Variants in NAGK observed in about 807,000 individuals in gnomAD.
The protein encoded by NAGK is N-acetylglucosamine kinase, also known as N-acetyl-D-glucosamine kinase.
Under a neutral mutation model 42.9 loss-of-function variants are expected in NAGK, and 35 were observed. That is an observed-to-expected ratio of 0.82 (90% CI 0.62 to 1.08). The LOEUF is 1.08. Among genes scored for constraint, NAGK ranks in the 50% least tolerant of loss-of-function variants. The probability of loss-of-function intolerance (pLI) is 0.00; values close to 1 mark genes in which losing one functional copy is unlikely to be tolerated. For missense variants in NAGK, 446 were observed against 446.0 expected (o/e 1.00, Z 0.00); for synonymous variants, 172 against 176.0 (o/e 0.98, Z 0.18).
intron 4 of NAGK, 63 bp downstream of exon 4, chr2:71,071,890 T>C (rs1395396940): frequency 2.5e-6 from 4 of 1,585,042 alleles, no homozygotes; most frequent in East Asian, 2.3e-5. Context: ...CCCTTAGATA[T>C]AGCTGACAAA....
At chr2:71,068,752 G>A (rs958656727) in intron 1 of NAGK, 40 bp downstream of exon 1, 17 of 1,447,372 alleles carry the variant, frequency 1.2e-5, no homozygotes, top group Non-Finnish European at 1.5e-5. Flanking sequence ...GCCCGAAGGC[G>A]GGGCGGAAGG....
At chr2:71,071,580 A>C in intron 3 of NAGK, 106 bp from the exon 4 acceptor site, 370 of 1,350,292 alleles carry the variant, frequency 2.7e-4, no homozygotes, top group Non-Finnish European at 3.4e-4. Flanking sequence ...TGAACAGGGT[A>C]TGGCCAGATG....
At chr2:71,077,293 G>T (rs1173059281) in intron 8 of NAGK, among the ~76,000 whole-genome samples, 1 of 152,188 alleles carries the variant, frequency 6.6e-6, no homozygotes, top group Non-Finnish European at 1.5e-5. Flanking sequence ...TTTCAGTTCA[G>T]TCATGTTTCT....
chr2:71,074,406 A>G (rs1672136969), intron 6 of NAGK, among the ~76,000 whole-genome samples: 1 of 152,206 alleles, frequency 6.6e-6, no homozygotes, highest in Non-Finnish European at 1.5e-5. Flanking sequence ...CTTGATGAGC[A>G]GTTGTCATAG....
chr2:71,072,248 A>C (rs569826395), intron 4 of NAGK: 5 of 257,098 alleles, frequency 1.9e-5, no homozygotes, highest in African/African-American at 1.1e-4. Context: ...TCTGAGTTTC[A>C]GTTTTCTCAT....
Position 71,070,532 on chromosome 2 carries a change from C to A in NAGK, c.60C>A (p.Val20=). ...GGGTRSEVLL[V]SEDGKILAEA... is the part of the protein sequence containing the mutation. Reference sequence around the variant, plus strand: ...GCACACGATCCGAGGTCCTTTTAGTCTCAGAGGATGGGAAGATCCTGGCAG... The same window carrying A: ...GCACACGATCCGAGGTCCTTTTAGTATCAGAGGATGGGAAGATCCTGGCAG... Residue 20 remains valine (V), a synonymous_variant, in exon 2 of 10, where the codon GTC becomes GTA. Transcript: ENST00000244204. 1 of 1,614,074 alleles carries A rather than the reference C, an allele frequency of 6.2e-7. No homozygotes were observed. The highest frequency in any genetic ancestry group is 1.1e-5 in the South Asian group (1 of 91,036).
At chr2:71,076,787 C>A in intron 8 of NAGK, 86 bp downstream of exon 8, 2 of 1,106,094 alleles carry the variant, frequency 1.8e-6, no homozygotes, top group East Asian at 5.0e-5. Context: ...CCATCAAACC[C>A]TGCATAGATT....
chr2:71,068,512 C>A, upstream of NAGK: 1 of 1,439,492 alleles, frequency 6.9e-7, no homozygotes, highest in Non-Finnish European at 9.1e-7. Flanking sequence ...GGGACGCAGC[C>A]ATCCCCGGCT....
chr2:71,072,285 T>A, intron 4 of NAGK: 1 of 277,602 alleles, frequency 3.6e-6, no homozygotes. Context: ...GTTGTATTCA[T>A]AAGATGGTTT....
At position 71,068,726 on chromosome 2, in the gene NAGK, G is replaced by GGCGGAGGGAGCCTGGGC; in HGVS notation, c.29+15_29+31dup. The stretch of plus-strand genomic sequence containing the variant: ...GGGTGTAGAGGGGTGAGTGCGGCCC[G>GGCGGAGGGAGCCTGGGC]GCGGAGGGAGCCTGGGCCCGAAGGC... On this transcript the variant is annotated intron_variant, in intron 1 of 9. Transcript: ENST00000244204. The GGCGGAGGGAGCCTGGGC allele has an allele frequency of 6.9e-7, 1 of 1,451,962 alleles. No individual in the cohort carries two copies. The highest frequency in any genetic ancestry group is 9.1e-7 in the Non-Finnish European group (1 of 1,104,784). 89.9% of individuals were successfully genotyped at this position (1,451,962 alleles called of 1,614,324 possible). A position where few individuals can be genotyped will look rare whatever the true frequency, so the allele number is the denominator to read the frequency against.
At chr2:71,075,530 T>G in intron 6 of NAGK, 25 bp from the exon 7 acceptor site, 1 of 1,577,430 alleles carries the variant, frequency 6.3e-7, no homozygotes, top group South Asian at 1.1e-5. Context: ...TTCTGATGAC[T>G]CTCTTGTGCC....
chr2:71,078,279 G>A (rs373525121), intron 9 of NAGK, 39 bp from the exon 10 acceptor site: 49 of 1,598,932 alleles, frequency 3.1e-5, no homozygotes, highest in Middle Eastern at 1.7e-4. Context: ...ACAGGTTGCT[G>A]TTCTCCTCTT....
At position 71,076,985 on chromosome 2, in the gene NAGK, A is replaced by G. The variant is rs1672233847; in HGVS notation, c.765+284A>G. ...CTATTTTATTTTTTATTTTTTTGAG[A>G]CACAGTCTCACTCTGTCAGCCAGGC... is the stretch of plus-strand genomic sequence containing the variant. On this transcript the variant is annotated intron_variant, in intron 8 of 9. Coordinates refer to ENST00000244204, the MANE Select transcript of NAGK (RefSeq NM_017567.6). Among the ~76,000 whole-genome samples, 3 of 151,334 alleles carry G rather than the reference A, an allele frequency of 2.0e-5. No homozygotes were observed. In the South Asian group the frequency reaches 6.3e-4, roughly 32 times the overall value.
At position 71,072,991 on chromosome 2, in the gene NAGK, C is replaced by G. The variant is rs889927299; in HGVS notation, c.466+240C>G. 7.8e-5 allele frequency: 44 copies of G among 561,390 alleles called. No individual in the cohort carries two copies. In the Admixed American group the frequency reaches 8.2e-4, roughly 11 times the overall value. 34.8% of individuals were successfully genotyped at this position (561,390 alleles called of 1,614,324 possible). On this transcript the variant is annotated intron_variant, in intron 5 of 9. Coordinates refer to ENST00000244204, the MANE Select transcript of NAGK (RefSeq NM_017567.6). ...CAGGACTCAGATTCATCCCTCAGCA[C>G]AGGGGCCTGCCTGTGTTGACTTGCT...
Position 71,077,572 on chromosome 2 carries a change from C to T in NAGK, c.780C>T (p.Gly260=). The T allele has an allele frequency of 6.2e-7, 1 of 1,608,792 alleles. No homozygotes were observed. The highest frequency in any genetic ancestry group is 8.5e-7 in the Non-Finnish European group (1 of 1,177,682). Residue 260 remains glycine (G), a synonymous_variant, in exon 9 of 10, where the codon GGC becomes GGT. Coordinates refer to ENST00000244204, the MANE Select transcript of NAGK (RefSeq NM_017567.6). ...TCTCCACCCAGGTCTTGTTCCAGGG[C>T]AAGATTGGACTCCCCATCCTGTGCG... The part of the protein sequence containing the change: ...LPEIDPVLFQ[G]KIGLPILCVG...
In NAGK at chr2:71,075,541, C is replaced by G. The variant is rs1286129114; in HGVS notation, c.580-14C>G. The G allele has an allele frequency of 6.2e-7, 1 of 1,602,416 alleles. No individual in the cohort carries two copies. The highest frequency in any genetic ancestry group is 8.5e-7 in the Non-Finnish European group (1 of 1,169,688). ...TTGCTTCTGATGACTCTCTTGTGCC[C>G]TTTCTCCTCTCAGGTGCCAGATCGG... On this transcript the variant is annotated splice_polypyrimidine_tract_variant and intron_variant, in intron 6 of 9. Transcript: ENST00000244204.
In NAGK at chr2:71,077,025, G is replaced by A. The variant is rs541075739; in HGVS notation, c.765+324G>A. Among the ~76,000 whole-genome samples, 71 of 152,108 alleles carry A rather than the reference G, an allele frequency of 4.7e-4. No individual in the cohort carries two copies. In the South Asian group the frequency reaches 0.014, roughly 29 times the overall value. ...GTCAGCCAGGCTGGAGTGCAGTAGC[G>A]TGATCTCAGCTCACTGCAGCCTCCA... is the stretch of plus-strand genomic sequence containing the variant. On this transcript the variant is annotated intron_variant, in intron 8 of 9. Coordinates refer to ENST00000244204, the MANE Select transcript of NAGK (RefSeq NM_017567.6).
chr2:71,069,224 C>T, intron 1 of NAGK: 1 of 458,856 alleles, frequency 2.2e-6, no homozygotes, highest in Non-Finnish European at 2.9e-6. Context: ...TTCCATGCTG[C>T]TTTCACTAGA....
intron 9 of NAGK, 59 bp downstream of exon 9, chr2:71,077,695 GC>G: frequency 6.5e-7 from 1 of 1,542,840 alleles, no homozygotes; most frequent in Non-Finnish European, 8.8e-7. Context: ...AAAGGAGGTG[GC>G]CCAGGAAAGC....
Sources: allele counts gnomAD v4.1 joint callset (sites outside exome capture counted in the v4.1 genomes callset), GRCh38; gene constraint gnomAD v4.1.1; transcripts MANE v1.5; gene names NCBI Gene and HGNC (gene_info 2026-07-23, HGNC 2026-07-21).